The following C8orf34 variants were observed in gnomAD, a reference collection of about 807,000 sequenced individuals.
C8orf34 encodes the protein uncharacterized protein C8orf34.
Under a neutral mutation model 68.3 loss-of-function variants are expected in C8orf34, and 65 were observed. The observed-to-expected ratio is 0.95, with a 90% CI of 0.78 to 1.17. C8orf34 has a LOEUF of 1.17. C8orf34 is among the 50% of genes most tolerant of loss of function. The probability of loss-of-function intolerance (pLI) is 0.00; values close to 1 mark genes in which losing one functional copy is unlikely to be tolerated. For synonymous variants in C8orf34, 244 were observed against 241.2 expected (o/e 1.01, Z -0.11); for missense variants, 664 against 655.4 (o/e 1.01, Z -0.14).
intron 5 of C8orf34, among the ~76,000 whole-genome samples, chr8:68,512,354 A>G (rs1028909864): frequency 6.6e-6 from 1 of 152,204 alleles, no homozygotes; most frequent in Non-Finnish European, 1.5e-5. Flanking sequence ...AATCCCGTGT[A>G]CCTAAACATG....
At chr8:68,657,877 T>C (rs1819554593) in intron 8 of C8orf34, among the ~76,000 whole-genome samples, 1 of 152,236 alleles carries the variant, frequency 6.6e-6, no homozygotes, top group Admixed American at 6.5e-5. Context: ...AAATTGGTTA[T>C]GCAGTCAGAA....
intron 5 of C8orf34, among the ~76,000 whole-genome samples, chr8:68,509,808 C>T (rs749720973): frequency 6.6e-6 from 1 of 152,094 alleles, no homozygotes; most frequent in East Asian, 1.9e-4. Flanking sequence ...TCCTTGCATG[C>T]CTGAATCCTG....
chr8:68,500,109 G>T (rs539681010), intron 5 of C8orf34, among the ~76,000 whole-genome samples: 1 of 152,144 alleles, frequency 6.6e-6, no homozygotes, highest in Non-Finnish European at 1.5e-5. Context: ...CAGCACCATG[G>T]TTCCTATGCA....
chr8:68,789,540 C>T (rs1021532834), intron 12 of C8orf34, among the ~76,000 whole-genome samples: 8 of 152,114 alleles, frequency 5.3e-5, no homozygotes, highest in African/African-American at 1.2e-4. Flanking sequence ...TCACCTAATA[C>T]GCATTGCCTT....
chr8:68,545,311 C>T (rs1815838646), intron 7 of C8orf34, among the ~76,000 whole-genome samples: 1 of 152,146 alleles, frequency 6.6e-6, no homozygotes, highest in African/African-American at 2.4e-5. Context: ...ATTTTGCCTT[C>T]CTCCATGATT....
At chr8:68,697,534 A>G (rs887554477) in intron 8 of C8orf34, among the ~76,000 whole-genome samples, 1 of 152,100 alleles carries the variant, frequency 6.6e-6, no homozygotes, top group Non-Finnish European at 1.5e-5. Context: ...TCTTATTTCT[A>G]TTACTCAAAT....
At chr8:68,643,866 A>G (rs1260587987) in intron 8 of C8orf34, among the ~76,000 whole-genome samples, 1 of 152,230 alleles carries the variant, frequency 6.6e-6, no homozygotes. Context: ...AGTGCAGCTG[A>G]TAACACTGGG....
chr8:68,782,788 TG>T (rs1823717721), intron 11 of C8orf34, among the ~76,000 whole-genome samples: 1 of 152,160 alleles, frequency 6.6e-6, no homozygotes, highest in South Asian at 2.1e-4. Context: ...CTGGGCGTGG[TG>T]GCTCACGCCT....
At chr8:68,697,581 T>C (rs1054828352) in intron 8 of C8orf34, among the ~76,000 whole-genome samples, 2 of 152,142 alleles carry the variant, frequency 1.3e-5, no homozygotes, top group Non-Finnish European at 2.9e-5. Context: ...AATGTTATGC[T>C]TGCTTATGAA....
intron 8 of C8orf34, among the ~76,000 whole-genome samples, chr8:68,705,930 G>A (rs193201515): frequency 1.2e-4 from 19 of 152,278 alleles, no homozygotes; most frequent in Admixed American, 4.6e-4. Flanking sequence ...TGCGCTCTGC[G>A]CGTTGGAAAG....
upstream of C8orf34, among the ~76,000 whole-genome samples, chr8:68,330,457 GC>G (rs1452600240): frequency 6.6e-6 from 1 of 152,032 alleles, no homozygotes; most frequent in African/African-American, 2.4e-5. Flanking sequence ...GAAAAGGAAG[GC>G]AACTTCTTTT....
chr8:68,519,156 G>C (rs1278992955), intron 5 of C8orf34, among the ~76,000 whole-genome samples: 1 of 152,102 alleles, frequency 6.6e-6, no homozygotes, highest in African/African-American at 2.4e-5. Context: ...AGATTCTTTA[G>C]CTTCCTTTGG....
chr8:68,595,992 T>C (rs914377489), intron 7 of C8orf34, among the ~76,000 whole-genome samples: 1 of 152,200 alleles, frequency 6.6e-6, no homozygotes, highest in Admixed American at 6.5e-5. Flanking sequence ...TATCACCCTT[T>C]ATGTCTCTGA....
chr8:68,654,173 T>A (rs867718542), intron 8 of C8orf34, among the ~76,000 whole-genome samples: 1 of 152,118 alleles, frequency 6.6e-6, no homozygotes, highest in South Asian at 2.1e-4. Context: ...CACCCTTCCA[T>A]GTGAGGATAT....
chr8:68,699,041 A>C (rs1023034040), intron 8 of C8orf34, among the ~76,000 whole-genome samples: 1 of 152,004 alleles, frequency 6.6e-6, no homozygotes, highest in African/African-American at 2.4e-5. Flanking sequence ...CAATATCAGT[A>C]TCATCTGGAA....
intron 10 of C8orf34, among the ~76,000 whole-genome samples, chr8:68,769,262 T>C (rs1265397115): frequency 2.6e-5 from 4 of 152,000 alleles, no homozygotes; most frequent in Non-Finnish European, 5.9e-5. Context: ...TGTTTGTCAC[T>C]TTCCTAAGAT....
intron 1 of C8orf34, among the ~76,000 whole-genome samples, chr8:68,375,444 C>T (rs1051576658): frequency 2.0e-5 from 3 of 152,148 alleles, no homozygotes; most frequent in Admixed American, 2.0e-4. Flanking sequence ...GTCATGTACA[C>T]CCCATTGAGA....
intron 1 of C8orf34, among the ~76,000 whole-genome samples, chr8:68,427,972 C>T (rs1251259129): frequency 2.0e-5 from 3 of 147,812 alleles, no homozygotes; most frequent in Non-Finnish European, 3.0e-5. Flanking sequence ...AAAATGTATT[C>T]ATATAATTAT....
At chr8:68,399,650 A>T (rs564279719) in intron 1 of C8orf34, among the ~76,000 whole-genome samples, 2 of 152,236 alleles carry the variant, frequency 1.3e-5, no homozygotes, top group South Asian at 4.1e-4. Context: ...TGATATAATA[A>T]TTTCTTTTCC....
Sources: allele counts gnomAD v4.1 joint callset (sites outside exome capture counted in the v4.1 genomes callset), GRCh38; gene constraint gnomAD v4.1.1; transcripts MANE v1.5; gene names NCBI Gene and HGNC (gene_info 2026-07-23, HGNC 2026-07-21).